The following ITGA5 variants were observed in gnomAD, a reference collection of about 807,000 sequenced individuals.
The protein encoded by ITGA5 is integrin subunit alpha 5.
ITGA5 carries 55 observed loss-of-function variants against 146.3 expected under a neutral mutation model. The ratio of observed to expected loss-of-function variants is 0.38; its 90% confidence interval spans 0.30 to 0.47. The LOEUF is 0.47. Ranked by LOEUF, ITGA5 falls within the 20% of genes least tolerant of loss-of-function variation. The pLI is 0.99. For missense variants in ITGA5, 1,131 were observed against 1,329.0 expected (o/e 0.85, Z 2.32); for synonymous variants, 500 against 531.8 (o/e 0.94, Z 0.82).
Position 54,408,018 on chromosome 12 carries a change from G to T in ITGA5, c.817+92C>A, listed in dbSNP as rs570305529. ...CAAGTATGGCAGGGGTGCTGGGGAT[G>T]CCTGAGTAGGAGAGGGGAGGCGAGG... On this transcript the variant is annotated intron_variant, in intron 7 of 29. Coordinates refer to ENST00000293379, the MANE Select transcript of ITGA5 (RefSeq NM_002205.5). The T allele has an allele frequency of 1.9e-6, 3 of 1,554,340 alleles. No homozygotes were observed. In the Admixed American group the frequency reaches 5.2e-5, roughly 27 times the overall value.
chr12:54,400,912 T>G lies in ITGA5; in HGVS notation c.2577A>C (p.Leu859=), dbSNP rs142824501. ...TGAGTCCCGTAACTCTGGTCACATATAGGAGCTGCTGACCTTCCAGAGCCT... is the reference window on the plus strand; with the variant it reads ...TGAGTCCCGTAACTCTGGTCACATAGAGGAGCTGCTGACCTTCCAGAGCCT... The part of the protein sequence containing the change: ...CPQALEGQQL[L]YVTRVTGLNC... Residue 859 remains leucine, a synonymous_variant, in exon 25 of 30, where the codon CTA becomes CTC. Transcript: ENST00000293379. 25 of 1,613,914 alleles carry G rather than the reference T, an allele frequency of 1.5e-5. No individual in the cohort carries two copies. The African/African-American group carries it at 3.3e-4, about 22-fold the overall frequency.
At chr12:54,414,959 A>C (rs1258093921) in intron 1 of ITGA5, among the ~76,000 whole-genome samples, 1 of 151,876 alleles carries the variant, frequency 6.6e-6, no homozygotes, top group African/African-American at 2.4e-5. Flanking sequence ...GACCAGCTTG[A>C]CCAACATGGC....
chr12:54,398,835 CTTTTTTTTT>C (rs34443272), intron 27 of ITGA5, 137 bp from the exon 28 acceptor site: 13 of 220,498 alleles, frequency 5.9e-5, no homozygotes, highest in Non-Finnish European at 8.7e-5. Flanking sequence ...CTCTCTCTCT[CTTTTTTTTT>C]TTTTTTTTTT....
In ITGA5 at chr12:54,405,386, G is replaced by A. The variant is rs1372322899; in HGVS notation, c.1017-12C>T. 3.2e-6 allele frequency: 5 copies of A among 1,580,188 alleles called. No individual in the cohort carries two copies. Among genetic ancestry groups the A allele is most frequent in the Non-Finnish European group, 4.3e-6 (5 of 1,159,648 alleles). ...GCAAGTCATCCAGCCTGAGGGGAAG[G>A]GCAAACCCAGGCATCTCGATACCCT... On this transcript the variant is annotated splice_polypyrimidine_tract_variant and intron_variant, in intron 11 of 29. Transcript: ENST00000293379.
At chr12:54,402,411 A>G in intron 19 of ITGA5, 81 bp from the exon 20 acceptor site, 1 of 1,362,528 alleles carries the variant, frequency 7.3e-7, no homozygotes, top group Admixed American at 2.1e-5. Context: ...GAGTAGTAAT[A>G]CGAGGCCGGG....
At position 54,401,297 on chromosome 12, in the gene ITGA5, G is replaced by T; in HGVS notation, c.2493+76C>A. The stretch of plus-strand genomic sequence containing the variant: ...TCTCTTTCTCTCAGTCCCTCACATG[G>T]GTTCCAGCCATCTGTCACTCATATT... On this transcript the variant is annotated intron_variant, in intron 24 of 29. Coordinates refer to ENST00000293379, the MANE Select transcript of ITGA5 (RefSeq NM_002205.5). The surrounding 1 kb of genome is among the most constrained non-coding windows in gnomAD (Gnocchi z 5.0). The T allele has an allele frequency of 9.2e-7, 1 of 1,087,224 alleles. No homozygotes were observed. Among genetic ancestry groups the T allele is most frequent in the Non-Finnish European group, 1.4e-6 (1 of 703,352 alleles). 67.3% of individuals were successfully genotyped at this position (1,087,224 alleles called of 1,614,324 possible). A position where few individuals can be genotyped will look rare whatever the true frequency, so the allele number is the denominator to read the frequency against.
chr12:54,402,899 C>T (rs1363265244), intron 19 of ITGA5, 84 bp downstream of exon 19: 14 of 1,100,756 alleles, frequency 1.3e-5, no homozygotes, highest in Admixed American at 1.7e-5. Context: ...CTTCCCAAGG[C>T]GACACAGCTA....
chr12:54,401,592 G>A lies in ITGA5; in HGVS notation c.2380C>T (p.Leu794=). The change falls in exon 23 of 30, where the codon CTG becomes TTG. Residue 794 remains leucine (L), a synonymous_variant. Coordinates refer to ENST00000293379, the MANE Select transcript of ITGA5 (RefSeq NM_002205.5). The surrounding 1 kb of genome is among the most constrained non-coding windows in gnomAD (Gnocchi z 5.0). ...ATTTTGCCTGGCACTGACCCGTTCAGGGTGACCTGGGCCTGAGCCTCCACG... is the reference window on the plus strand; with the variant it reads ...ATTTTGCCTGGCACTGACCCGTTCAAGGTGACCTGGGCCTGAGCCTCCACG... ...LSVEAQAQVT[L]NGVSKPEAVL... is the part of the protein sequence containing the mutation. 2 of 1,614,150 alleles carry A rather than the reference G, an allele frequency of 1.2e-6. No individual in the cohort carries two copies. Among genetic ancestry groups the A allele is most frequent in the Non-Finnish European group, 1.7e-6 (2 of 1,179,984 alleles).
chr12:54,407,778 C>T, intron 8 of ITGA5, 54 bp downstream of exon 8: 3 of 1,606,780 alleles, frequency 1.9e-6, no homozygotes, highest in Non-Finnish European at 2.6e-6. Flanking sequence ...GGCTCTCTGG[C>T]CCTGTGCCTC....
intron 11 of ITGA5, 40 bp from the exon 12 acceptor site, chr12:54,405,414 C>T: frequency 6.8e-7 from 1 of 1,478,932 alleles, no homozygotes; most frequent in South Asian, 1.2e-5. Context: ...GATACCCTGT[C>T]TTGCCACCCC....
chr12:54,405,909 G>A lies in ITGA5; in HGVS notation c.924C>T (p.Gly308=). 1.2e-6 allele frequency: 2 copies of A among 1,613,996 alleles called. No individual in the cohort carries two copies. Among genetic ancestry groups the A allele is most frequent in the Non-Finnish European group, 8.5e-7 (1 of 1,179,882 alleles). The change falls in exon 10 of 30, where the codon GGC becomes GGT. Residue 308 remains glycine (G), a synonymous_variant. Coordinates refer to ENST00000293379, the MANE Select transcript of ITGA5 (RefSeq NM_002205.5). ...LTYGYVTILN[G]SDIRSLYNFS... ...AGTTGTAGAGGGATCGAATGTCTGA[G>A]CCATTAAGGATGGTGACCTGGGAGA...
intron 27 of ITGA5, 90 bp from the exon 28 acceptor site, chr12:54,398,788 T>C (rs1268233777): frequency 4.0e-6 from 3 of 753,642 alleles, no homozygotes; most frequent in East Asian, 3.3e-5. Context: ...TTGTGATCTT[T>C]CCCTATTTTG....
Position 54,401,309 on chromosome 12 carries a change from C to G in ITGA5, c.2493+64G>C. ...AGTCCCTCACATGGGTTCCAGCCAT[C>G]TGTCACTCATATTAGCTCCTCCTTT... On this transcript the variant is annotated intron_variant, in intron 24 of 29. Coordinates refer to ENST00000293379, the MANE Select transcript of ITGA5 (RefSeq NM_002205.5). The surrounding 1 kb of genome is among the most constrained non-coding windows in gnomAD (Gnocchi z 5.0). 1 of 1,199,012 alleles carries G rather than the reference C, an allele frequency of 8.3e-7. No homozygotes were observed. Among genetic ancestry groups the G allele is most frequent in the Non-Finnish European group, 1.2e-6 (1 of 803,748 alleles). The allele number at this position is 1,199,012 out of a possible 1,614,324, so 74.3% of individuals were successfully genotyped here.
chr12:54,407,550 GT>G, intron 9 of ITGA5, 98 bp downstream of exon 9: 1 of 985,798 alleles, frequency 1.0e-6, no homozygotes, highest in East Asian at 2.4e-5. Flanking sequence ...CAGAGCCCAT[GT>G]TCTGATCCAC....
rs371045549 is a variant in ITGA5, at chr12:54,403,682, G to A, written c.1719C>T (p.Thr573=). 2.1e-4 allele frequency: 338 copies of A among 1,614,024 alleles called. No individual in the cohort carries two copies. The highest frequency in any genetic ancestry group is 6.6e-4 in the Middle Eastern group (4 of 6,084). ...CTCGAGCCCCATTCTGGATGAGCAG[G>A]GTCTGGGTCAGGGTTGCCTGCCTGG... The part of the protein sequence containing the change: ...LASRQATLTQ[T]LLIQNGARED... Residue 573 remains threonine (T), a synonymous_variant, in exon 17 of 30, where the codon ACC becomes ACT. Coordinates refer to ENST00000293379, the MANE Select transcript of ITGA5 (RefSeq NM_002205.5). The surrounding 1 kb of genome is among the most constrained non-coding windows in gnomAD (Gnocchi z 4.9).
In ITGA5 at chr12:54,404,426, A is replaced by G. The variant is rs767645083; in HGVS notation, c.1463+4T>C. The G allele has an allele frequency of 3.1e-6, 5 of 1,613,888 alleles. No individual in the cohort carries two copies. The African/African-American group carries it at 6.7e-5, about 22-fold the overall frequency. The stretch of plus-strand genomic sequence containing the variant: ...GTCCCCTCATCTCCCTTTGGAGCTC[A>G]TACCTGTATACCACAGCCTTGTCCA... On this transcript the variant is annotated splice_donor_region_variant and intron_variant, in intron 14 of 29. Coordinates refer to ENST00000293379, the MANE Select transcript of ITGA5 (RefSeq NM_002205.5).
At position 54,399,931 on chromosome 12, in the gene ITGA5, G is replaced by A. The variant is rs1370379554; in HGVS notation, c.2660C>T (p.Ser887Phe). 1.9e-5 allele frequency: 30 copies of A among 1,613,830 alleles called. No individual in the cohort carries two copies. Among genetic ancestry groups the A allele is most frequent in the South Asian group, 5.5e-5 (5 of 91,078 alleles). Residue 887 changes from serine (S) to phenylalanine (F), a missense_variant, in exon 26 of 30, where the codon TCC (serine) becomes TTC (phenylalanine). Ser to Phe is a radical substitution (Grantham distance 155). This residue lies in a region of ITGA5 where 889 missense variants were observed against 1,021.5 expected (regional missense o/e 0.87). Transcript: ENST00000293379. The stretch of plus-strand genomic sequence containing the variant: ...TTCCCGTTTTTGCTGGTGGTGCAGG[G>A]AACCCTCGGGATCCAACTATAAAAG... Reference protein sequence around the residue: ...PKGLELDPEGSLHHQQKREAP... With the variant: ...PKGLELDPEGFLHHQQKREAP...
At chr12:54,407,901 T>C in intron 7 of ITGA5, 25 bp from the exon 8 acceptor site, 1 of 1,562,238 alleles carries the variant, frequency 6.4e-7, no homozygotes, top group Non-Finnish European at 8.7e-7. Flanking sequence ...GGGTGGATGT[T>C]AGGATTCCTG....
Position 54,419,082 on chromosome 12 carries a change from G to T in ITGA5, c.117C>A (p.Val39=), listed in dbSNP as rs780678841. ...CCTCCGCGTCTAAGTTGAAGCCCCCGACCCTGGGTGGCGGCGGCAGCAGCA... is the reference window on the plus strand; with the variant it reads ...CCTCCGCGTCTAAGTTGAAGCCCCCTACCCTGGGTGGCGGCGGCAGCAGCA... ...LLLLLPPPPR[V]GGFNLDAEAP... Residue 39 remains valine (V), a synonymous_variant, in exon 1 of 30, where the codon GTC becomes GTA. Transcript: ENST00000293379. 4.4e-6 allele frequency: 7 copies of T among 1,586,256 alleles called. No homozygotes were observed. The highest frequency in any genetic ancestry group is 4.3e-6 in the Non-Finnish European group (5 of 1,169,730).
Sources: gnomAD v4.1 joint callset for allele counts (sites outside exome capture counted in the v4.1 genomes callset) on GRCh38, gnomAD v4.1.1 for gene constraint, gnomAD v4.1.1 regional missense constraint, Gnocchi (gnomAD v3.1) non-coding constraint, MANE v1.5 for transcripts, NCBI Gene and HGNC (gene_info 2026-07-23, HGNC 2026-07-21) for gene names.